Variants in LHFPL3 observed in about 807,000 individuals in gnomAD.
LHFPL3 encodes LHFPL tetraspan subfamily member 3.
Under a neutral mutation model 19.3 loss-of-function variants are expected in LHFPL3, and 5 were observed. That is an observed-to-expected ratio of 0.26 (90% CI 0.14 to 0.54). LHFPL3 has a LOEUF of 0.54. LHFPL3 is among the 20% of genes least tolerant of loss of function. The pLI, the probability that LHFPL3 is intolerant of heterozygous loss-of-function variation, is 0.94. For synonymous variants in LHFPL3, 133 were observed against 126.2 expected, an observed-to-expected ratio of 1.05 and a Z score of -0.36; for missense variants, 249 against 307.4, an observed-to-expected ratio of 0.81 and a Z score of 1.42.
At chr7:104,768,550 C>T (rs901877560) in intron 2 of LHFPL3, 2 of 152,184 alleles carry the variant, frequency 1.3e-5, no homozygotes, top group Non-Finnish European at 2.9e-5. Flanking sequence ...TTGTCATCTA[C>T]AGATGCTCCT....
intron 1 of LHFPL3, among the ~76,000 whole-genome samples, chr7:104,632,715 G>A (rs897472270): frequency 2.0e-5 from 3 of 152,214 alleles, no homozygotes; most frequent in African/African-American, 7.2e-5. Flanking sequence ...GAGTGCAGTG[G>A]CAAGATTTGC....
intron 1 of LHFPL3, chr7:104,623,013 T>C: frequency 2.6e-6 from 1 of 380,476 alleles, no homozygotes; most frequent in South Asian, 2.0e-5. Flanking sequence ...ATTTTTGATT[T>C]GCATTTCCCT....
intron 1 of LHFPL3, among the ~76,000 whole-genome samples, chr7:104,551,288 T>A (rs1043945855): frequency 8.5e-5 from 13 of 152,222 alleles, no homozygotes; most frequent in Non-Finnish European, 4.4e-5. Context: ...CTTCCTTTCT[T>A]AGGAAATTTT....
chr7:104,568,289 T>C (rs1790160436), intron 1 of LHFPL3, among the ~76,000 whole-genome samples: 1 of 152,270 alleles, frequency 6.6e-6, no homozygotes, highest in Non-Finnish European at 1.5e-5. Flanking sequence ...TCTAATGCTA[T>C]GTGGCACTTT....
intron 2 of LHFPL3, among the ~76,000 whole-genome samples, chr7:104,871,460 A>G (rs1038227942): frequency 1.3e-5 from 2 of 152,320 alleles, no homozygotes; most frequent in African/African-American, 2.4e-5. Flanking sequence ...GTTACTGTAC[A>G]CTACTATAGA....
intron 2 of LHFPL3, among the ~76,000 whole-genome samples, chr7:104,740,175 C>T (rs1025371806): frequency 6.6e-6 from 1 of 152,146 alleles, no homozygotes; most frequent in African/African-American, 2.4e-5. Flanking sequence ...TGTAAGTTTC[C>T]TGAGGCCTCC....
At chr7:104,787,358 C>A (rs1789937136) in intron 2 of LHFPL3, among the ~76,000 whole-genome samples, 1 of 152,170 alleles carries the variant, frequency 6.6e-6, no homozygotes, top group Non-Finnish European at 1.5e-5. Flanking sequence ...TGGTTATTGT[C>A]TTTCTTCAGG....
At chr7:104,609,030 G>C (rs1177320607) in intron 1 of LHFPL3, among the ~76,000 whole-genome samples, 2 of 152,170 alleles carry the variant, frequency 1.3e-5, no homozygotes, top group Non-Finnish European at 2.9e-5. Flanking sequence ...ACTTTGGGAG[G>C]CTGAGGAGGG....
intron 2 of LHFPL3, among the ~76,000 whole-genome samples, chr7:104,863,777 T>C (rs556843221): frequency 6.6e-6 from 1 of 152,308 alleles, no homozygotes; most frequent in African/African-American, 2.4e-5. Context: ...GATTCTCTGA[T>C]TACCAAGCCC....
At chr7:104,829,331 T>G (rs1157876963) in intron 2 of LHFPL3, among the ~76,000 whole-genome samples, 2 of 151,878 alleles carry the variant, frequency 1.3e-5, no homozygotes, top group African/African-American at 4.9e-5. Context: ...GCTGCTTTTT[T>G]TTTTAATTAT....
intron 1 of LHFPL3, among the ~76,000 whole-genome samples, chr7:104,500,267 A>G (rs1793575124): frequency 6.6e-6 from 1 of 152,230 alleles, no homozygotes; most frequent in South Asian, 2.1e-4. Context: ...TGACAATTTT[A>G]TCAATATCTC....
At chr7:104,403,757 CTCA>C (rs1791363364) in intron 1 of LHFPL3, among the ~76,000 whole-genome samples, 1 of 132,542 alleles carries the variant, frequency 7.5e-6, no homozygotes, top group Non-Finnish European at 1.7e-5. Flanking sequence ...CTCTCTCTCT[CTCA>C]TCATTAGGAA....
chr7:104,613,749 A>G (rs1192706034), intron 1 of LHFPL3, among the ~76,000 whole-genome samples: 1 of 152,176 alleles, frequency 6.6e-6, no homozygotes, highest in African/African-American at 2.4e-5. Context: ...TCAAAGAAAA[A>G]TTGCATGGGC....
At chr7:104,440,207 T>A (rs1466319214) in intron 1 of LHFPL3, among the ~76,000 whole-genome samples, 1 of 151,380 alleles carries the variant, frequency 6.6e-6, no homozygotes, top group Non-Finnish European at 1.5e-5. Context: ...GCCATACACA[T>A]GTACACCATG....
chr7:104,808,715 A>T (rs745761033), intron 2 of LHFPL3, among the ~76,000 whole-genome samples: 1 of 152,182 alleles, frequency 6.6e-6, no homozygotes. Context: ...AACGCAAGCC[A>T]ATGTTTATTA....
chr7:104,559,512 A>AT (rs1316181203), intron 1 of LHFPL3, among the ~76,000 whole-genome samples: 1 of 149,866 alleles, frequency 6.7e-6, no homozygotes, highest in African/African-American at 2.5e-5. Context: ...AATGCTTGTG[A>AT]TTTTTGTACA....
Position 104,742,970 on chromosome 7 carries a change from A to T in LHFPL3, c.682+6059A>T, listed in dbSNP as rs188638454. 1.1e-3 allele frequency among the ~76,000 whole-genome samples: 172 copies of T among 152,130 alleles called. 6 individuals carry two copies. The East Asian group carries it at 0.03, about 27-fold the overall frequency. On this transcript the variant is annotated intron_variant, in intron 2 of 2. Transcript: ENST00000424859. ...CATCTCTATTAAAAATACAAAAAAA[A>T]ATTAGCTGGGCATGGTGGTGGGCAC...
At chr7:104,711,107 A>G (rs1259598613) in intron 1 of LHFPL3, among the ~76,000 whole-genome samples, 1 of 152,190 alleles carries the variant, frequency 6.6e-6, no homozygotes, top group Non-Finnish European at 1.5e-5. Context: ...ACTCTTTTTC[A>G]AACTTTCATA....
chr7:104,667,699 C>T (rs2116019917), intron 1 of LHFPL3: 1 of 1,338,340 alleles, frequency 7.5e-7, no homozygotes, highest in Non-Finnish European at 1.0e-6. Flanking sequence ...CAATTTACAA[C>T]TTAGAGGAGT....
Sources: gnomAD v4.1 joint callset for allele counts (sites outside exome capture counted in the v4.1 genomes callset) on GRCh38, gnomAD v4.1.1 for gene constraint, MANE v1.5 for transcripts, NCBI Gene and HGNC (gene_info 2026-07-23, HGNC 2026-07-21) for gene names.